The following GHRH variants were observed in gnomAD, a reference collection of about 807,000 sequenced individuals.
GHRH encodes somatoliberin.
A neutral mutation model predicts 15.6 loss-of-function variants in GHRH; 7 were observed. The observed-to-expected ratio is 0.45, with a 90% CI of 0.26 to 0.84. The LOEUF (loss-of-function observed/expected upper bound fraction) is 0.84, where lower values mean the gene tolerates loss of function less well. Ranked by LOEUF, GHRH falls within the 40% of genes least tolerant of loss-of-function variation. The pLI, the probability that GHRH is intolerant of heterozygous loss-of-function variation, is 0.18. For synonymous variants in GHRH, 54 were observed against 50.4 expected, an observed-to-expected ratio of 1.07 and a Z score of -0.30; for missense variants, 117 against 138.0, an observed-to-expected ratio of 0.85 and a Z score of 0.76.
rs531409830 is a variant in GHRH at position 37,253,014 on chromosome 20, G to T, written c.308+1196C>A. On this transcript the variant is annotated intron_variant, in intron 4 of 4. Transcript: ENST00000373614. ...GCCACTGCACTCTAGCCTGGGTGATGAGAGTGAAACTCCATCTCAACAACA... is the reference window on the plus strand; with the variant it reads ...GCCACTGCACTCTAGCCTGGGTGATTAGAGTGAAACTCCATCTCAACAACA... 2.1e-3 allele frequency among the ~76,000 whole-genome samples: 313 copies of T among 152,290 alleles called. 1 individual carries two copies. The highest frequency in any genetic ancestry group is 6.8e-3 in the Middle Eastern group (2 of 294).
chr20:37,254,354 A>T, intron 3 of GHRH, 25 bp from the exon 4 acceptor site: 1 of 1,613,860 alleles, frequency 6.2e-7, no homozygotes, highest in Non-Finnish European at 8.5e-7. Flanking sequence ...AAAGAGAACT[A>T]GTTGCTATTT....
At chr20:37,260,425 C>CA (rs964596181) in intron 1 of GHRH, among the ~76,000 whole-genome samples, 11 of 149,134 alleles carry the variant, frequency 7.4e-5, no homozygotes, top group Non-Finnish European at 1.3e-4. Flanking sequence ...CAAAACAAAA[C>CA]AAAAAAAAAC....
chr20:37,253,926 T>A (rs1232718296), intron 4 of GHRH, among the ~76,000 whole-genome samples: 1 of 152,184 alleles, frequency 6.6e-6, no homozygotes, highest in Non-Finnish European at 1.5e-5. Flanking sequence ...CATTTTTGTA[T>A]TTGTAATAGA....
At chr20:37,251,714 A>T (rs992022670) in intron 4 of GHRH, among the ~76,000 whole-genome samples, 3 of 152,102 alleles carry the variant, frequency 2.0e-5, no homozygotes, top group Non-Finnish European at 4.4e-5. Flanking sequence ...TGGTCTTTAC[A>T]GGGGTGGGAA....
rs1376273289 is a variant in GHRH, at chr20:37,254,307, C to G, written c.211G>C (p.Ala71Pro). The change falls in exon 4 of 5, where the codon GCA (alanine) becomes CCA (proline). Residue 71 changes from alanine (A) to proline (P), a missense_variant. By Grantham distance (27) the Ala-to-Pro change is conservative. Transcript: ENST00000373614. ...ACCTGACGACCAAGCCGTGCCCTTG[C>G]TCCTCGCTCTTGGTTGCTCTCTCTG... ...QQGESNQERG[A>P]RARLGRQVDS... The G allele has an allele frequency of 1.2e-6, 2 of 1,614,144 alleles. No individual in the cohort carries two copies. Among genetic ancestry groups the G allele is most frequent in the Non-Finnish European group, 1.7e-6 (2 of 1,179,978 alleles).
chr20:37,253,346 G>C (rs1415390345), intron 4 of GHRH, among the ~76,000 whole-genome samples: 1 of 152,228 alleles, frequency 6.6e-6, no homozygotes, highest in Non-Finnish European at 1.5e-5. Context: ...GGGCTGGTCT[G>C]TCTTTGGCTT....
At position 37,258,978 on chromosome 20, in the gene GHRH, G is replaced by T. The variant is rs545052781; in HGVS notation, c.-19-2070C>A. On this transcript the variant is annotated intron_variant, in intron 1 of 4. Coordinates refer to ENST00000373614, the MANE Select transcript of GHRH (RefSeq NM_021081.6). The surrounding 1 kb of genome is among the most constrained non-coding windows in gnomAD (Gnocchi z 4.1). ...TGGTTTCAAACCCCCGGGCTTAAGT[G>T]ATCCCCCCGCCTCAGCCTCCCAAAG... Among the ~76,000 whole-genome samples, 2 of 152,190 alleles carry T rather than the reference G, an allele frequency of 1.3e-5. No homozygotes were observed. Among genetic ancestry groups the T allele is most frequent in the South Asian group, 4.2e-4 (2 of 4,812 alleles).
intron 3 of GHRH, 47 bp downstream of exon 3, chr20:37,256,347 G>T: frequency 1.6e-6 from 2 of 1,246,676 alleles, no homozygotes; most frequent in African/African-American, 1.5e-5. Context: ...AGCTCCTGCA[G>T]ACTCTGCTGC....
rs767653599 is a variant in GHRH, at chr20:37,254,326, C to G, written c.192G>C (p.Glu64Asp). 2 of 1,614,164 alleles carry G rather than the reference C, an allele frequency of 1.2e-6. No individual in the cohort carries two copies. Among genetic ancestry groups the G allele is most frequent in the Non-Finnish European group, 8.5e-7 (1 of 1,180,020 alleles). The change falls in exon 4 of 5, where the codon GAG becomes GAC. Residue 64 changes from glutamate (E) to aspartate (D), a missense_variant. By Grantham distance (45) the Glu-to-Asp change is conservative. Transcript: ENST00000373614. ...LQDIMSRQQGESNQERGARAR... is the reference protein window; with the variant it reads ...LQDIMSRQQGDSNQERGARAR... ...CCCTTGCTCCTCGCTCTTGGTTGCT[C>G]TCTCTGTGTGGTTAGAAAAAGAGAA...
chr20:37,254,445 G>T, intron 3 of GHRH, 116 bp from the exon 4 acceptor site: 1 of 1,050,162 alleles, frequency 9.5e-7, no homozygotes, highest in Non-Finnish European at 1.5e-6. Flanking sequence ...AACTGAATTA[G>T]ATTCAGCCAC....
In GHRH at chr20:37,258,107, C is replaced by T. The variant is rs1450402376; in HGVS notation, c.-19-1199G>A. Among the ~76,000 whole-genome samples the T allele has an allele frequency of 6.6e-6, 1 of 152,238 alleles. No homozygotes were observed. The highest frequency in any genetic ancestry group is 2.4e-5 in the African/African-American group (1 of 41,466). On this transcript the variant is annotated intron_variant, in intron 1 of 4. Transcript: ENST00000373614. This position sits in a 1 kb window ranked among gnomAD's most constrained non-coding sequence, Gnocchi z 4.1. ...GCATGCTCTGCAATTAGGGGAAAAA[C>T]AGCCAGCAGGGGACAGAGCCCGCCT... is the stretch of plus-strand genomic sequence containing the variant.
intron 1 of GHRH, among the ~76,000 whole-genome samples, chr20:37,260,339 G>T (rs190136231): frequency 6.6e-6 from 1 of 150,682 alleles, no homozygotes; most frequent in African/African-American, 2.5e-5. Context: ...AAGAATAGAG[G>T]TTATGTCACT....
rs183125525 is a variant in GHRH at position 37,253,813 on chromosome 20, C to T, written c.308+397G>A. 5.9e-3 allele frequency among the ~76,000 whole-genome samples: 903 copies of T among 152,244 alleles called. 4 individuals are homozygous for T. Among genetic ancestry groups the T allele is most frequent in the Non-Finnish European group, 9.1e-3 (619 of 68,020 alleles). On this transcript the variant is annotated intron_variant, in intron 4 of 4. Coordinates refer to ENST00000373614, the MANE Select transcript of GHRH (RefSeq NM_021081.6). ...TCACCCAGGCTGGAGTGTAATGGTGCGATCTCAGCTCACTGCAACCTCCGC... is the reference window on the plus strand; with the variant it reads ...TCACCCAGGCTGGAGTGTAATGGTGTGATCTCAGCTCACTGCAACCTCCGC...
rs1417418826 is a variant in GHRH, at chr20:37,251,103, A to G, written c.*110T>C. 3.0e-6 allele frequency: 2 copies of G among 663,980 alleles called. No individual in the cohort carries two copies. The highest frequency in any genetic ancestry group is 5.1e-6 in the Non-Finnish European group (2 of 390,204). 41.1% of individuals were successfully genotyped at this position (663,980 alleles called of 1,614,324 possible). A position where few individuals can be genotyped will look rare whatever the true frequency, so the allele number is the denominator to read the frequency against. ...AAAGAACATTTAAATGCACACCGGT[A>G]TGGGGGAATTTTATTGTATTTTCAA... On this transcript the variant is annotated 3_prime_UTR_variant, in exon 5 of 5. Transcript: ENST00000373614.
chr20:37,253,043 A>G (rs183039538), intron 4 of GHRH, among the ~76,000 whole-genome samples: 51 of 152,290 alleles, frequency 3.3e-4, no homozygotes, highest in Non-Finnish European at 6.3e-4. Flanking sequence ...AACAACAACA[A>G]CAAATCAGGC....
chr20:37,256,830 G>A lies in GHRH; in HGVS notation c.60C>T (p.Ser20=). The change falls in exon 2 of 5, where the codon TCC becomes TCT. Residue 20 remains serine (S), a synonymous_variant. Transcript: ENST00000373614. ...ACCTGAGGGTCAAAGGGGGAGGTGG[G>A]GAGCAGTGGGAGCTGTTGCTGAGGG... ...ILTLSNSSHC[S]PPPPLTLRMR... The A allele has an allele frequency of 6.2e-7, 1 of 1,612,984 alleles. No individual in the cohort carries two copies. The highest frequency in any genetic ancestry group is 1.7e-5 in the Admixed American group (1 of 59,892).
At chr20:37,257,557 C>A (rs2068664870) in intron 1 of GHRH, among the ~76,000 whole-genome samples, 1 of 151,828 alleles carries the variant, frequency 6.6e-6, no homozygotes, top group Non-Finnish European at 1.5e-5. Context: ...TAAATGGGAT[C>A]CCTTAGCAAG....
At chr20:37,256,276 A>C (rs1028528644) in intron 3 of GHRH, 118 bp downstream of exon 3, 3 of 599,820 alleles carry the variant, frequency 5.0e-6, no homozygotes, top group Non-Finnish European at 8.7e-6. Flanking sequence ...GAAGTCCAGA[A>C]ATGACACTTG....
At chr20:37,261,214 G>A (rs1003965985) in intron 1 of GHRH, among the ~76,000 whole-genome samples, 2 of 152,228 alleles carry the variant, frequency 1.3e-5, no homozygotes, top group South Asian at 2.1e-4. Context: ...GGAGACAGGC[G>A]TGGGGTAGCG....
Sources: allele counts gnomAD v4.1 joint callset (sites outside exome capture counted in the v4.1 genomes callset), GRCh38; gene constraint gnomAD v4.1.1; non-coding constraint Gnocchi (gnomAD v3.1); transcripts MANE v1.5; gene names NCBI Gene and HGNC (gene_info 2026-07-23, HGNC 2026-07-21).